SRGAP2: variants seen among roughly 807,000 people sequenced by gnomAD.
The protein encoded by SRGAP2 is SLIT-ROBO Rho GTPase activating protein 2, also known as SLIT-ROBO Rho GTPase-activating protein 2.
In SRGAP2, 15 loss-of-function variants were observed where a neutral mutation model predicts 57.2. The observed-to-expected ratio is 0.26, with a 90% CI of 0.18 to 0.40. The LOEUF (loss-of-function observed/expected upper bound fraction) is 0.40, where lower values mean the gene tolerates loss of function less well. SRGAP2 is among the 10% of genes least tolerant of loss of function. The pLI, the probability that SRGAP2 is intolerant of heterozygous loss-of-function variation, is 1.00. For missense variants in SRGAP2, 520 were observed against 669.6 expected, an observed-to-expected ratio of 0.78 and a Z score of 2.47; for synonymous variants, 249 against 248.0, an observed-to-expected ratio of 1.00 and a Z score of -0.04.
At position 206,310,069 on chromosome 1, in the gene SRGAP2, C is replaced by G. The variant is rs533618929; in HGVS notation, c.260+6596C>G. On this transcript the variant is annotated intron_variant, in intron 3 of 22. Transcript: ENST00000573034. The stretch of plus-strand genomic sequence containing the variant: ...GTAAGAGCAATTTCTTATTGATACT[C>G]TCTCATGTATAAGGTATTGTGAGAG... 2.9e-3 allele frequency among the ~76,000 whole-genome samples: 442 copies of G among 151,608 alleles called. 2 individuals are homozygous for G. The highest frequency in any genetic ancestry group is 0.011 in the African/African-American group (431 of 41,020).
intron 2 of SRGAP2, among the ~76,000 whole-genome samples, chr1:206,301,853 T>C (rs1352459728): frequency 6.6e-6 from 1 of 151,922 alleles, no homozygotes; most frequent in African/African-American, 2.4e-5. Flanking sequence ...GGGGACAGAT[T>C]GTGGAGCCTC....
intron 4 of SRGAP2, among the ~76,000 whole-genome samples, chr1:206,373,017 CT>C (rs1654826898): frequency 1.0e-5 from 1 of 97,984 alleles, no homozygotes; most frequent in Non-Finnish European, 2.1e-5. Context: ...TTCTTTCTTT[CT>C]TTCTTTCTTT....
intron 2 of SRGAP2, among the ~76,000 whole-genome samples, chr1:206,229,609 G>A (rs1667493649): frequency 6.6e-6 from 1 of 151,984 alleles, no homozygotes; most frequent in African/African-American, 2.4e-5. Flanking sequence ...ATACAGGATA[G>A]TGAAGGATCC....
At chr1:206,447,486 C>A (rs1436134747) in intron 18 of SRGAP2, among the ~76,000 whole-genome samples, 1 of 152,208 alleles carries the variant, frequency 6.6e-6, no homozygotes, top group Admixed American at 6.5e-5. Flanking sequence ...TGCTGTACTG[C>A]AGATTTCAGT....
intron 2 of SRGAP2, among the ~76,000 whole-genome samples, chr1:206,229,964 A>C (rs1470246358): frequency 1.3e-5 from 2 of 151,136 alleles, no homozygotes; most frequent in East Asian, 3.9e-4. Flanking sequence ...ACACACACAC[A>C]CACCTTACCT....
chr1:206,446,036 G>T, intron 17 of SRGAP2, 39 bp from the exon 18 acceptor site: 2 of 775,714 alleles, frequency 2.6e-6, no homozygotes, highest in South Asian at 2.7e-5. Context: ...GCATTCATGC[G>T]AGAGCTTTCC....
At chr1:206,277,856 G>A (rs1304812054) in intron 2 of SRGAP2, among the ~76,000 whole-genome samples, 1 of 152,082 alleles carries the variant, frequency 6.6e-6, no homozygotes, top group African/African-American at 2.4e-5. Flanking sequence ...GTGCACGCTT[G>A]TAATCCCAGC....
At chr1:206,260,468 G>T (rs1233446330) in intron 2 of SRGAP2, among the ~76,000 whole-genome samples, 3 of 152,020 alleles carry the variant, frequency 2.0e-5, no homozygotes, top group Non-Finnish European at 2.9e-5. Context: ...TCCTTATTGT[G>T]GGTGTCACTC....
intron 7 of SRGAP2, among the ~76,000 whole-genome samples, chr1:206,394,002 A>C: frequency 8.1e-6 from 1 of 123,262 alleles, no homozygotes; most frequent in Non-Finnish European, 1.7e-5. Flanking sequence ...GCTCATAACC[A>C]CTACACTCGT....
At chr1:206,272,675 G>T (rs1670190573) in intron 2 of SRGAP2, among the ~76,000 whole-genome samples, 1 of 152,176 alleles carries the variant, frequency 6.6e-6, no homozygotes, top group Admixed American at 6.5e-5. Context: ...GCCTCCCAAA[G>T]AGCTGGGATT....
intron 17 of SRGAP2, among the ~76,000 whole-genome samples, chr1:206,445,516 C>A (rs1372148828): frequency 6.6e-6 from 1 of 152,168 alleles, no homozygotes; most frequent in African/African-American, 2.4e-5. Context: ...AATTCACTGG[C>A]TTGATGGAAT....
intron 16 of SRGAP2, 119 bp from the exon 17 acceptor site, chr1:206,439,857 G>A (rs1662111598): frequency 3.0e-6 from 2 of 664,594 alleles, no homozygotes; most frequent in Non-Finnish European, 2.8e-6. Context: ...CACCAGTGCT[G>A]TGCGTGGGCT....
intron 4 of SRGAP2, among the ~76,000 whole-genome samples, chr1:206,369,244 A>T (rs1183526344): frequency 6.6e-6 from 1 of 152,242 alleles, no homozygotes; most frequent in Non-Finnish European, 1.5e-5. Context: ...ATAATAAAAA[A>T]AATTAACTCA....
chr1:206,374,251 C>T lies in SRGAP2; in HGVS notation c.424-9763C>T, dbSNP rs533704911. 4.6e-5 allele frequency among the ~76,000 whole-genome samples: 7 copies of T among 151,400 alleles called. 1 individual carries two copies. The highest frequency in any genetic ancestry group is 4.2e-4 in the South Asian group (2 of 4,802). ...CACCTTGGTCTCGATCTCCTGACCT[C>T]GTGATCCGCCCGCTTCGGCCTCCCA... On this transcript the variant is annotated intron_variant, in intron 4 of 22. Coordinates refer to ENST00000573034, the MANE Select transcript of SRGAP2 (RefSeq NM_015326.5).
chr1:206,402,292 CAG>C (rs1462056984), intron 8 of SRGAP2, among the ~76,000 whole-genome samples: 1 of 151,984 alleles, frequency 6.6e-6, no homozygotes, highest in African/African-American at 2.4e-5. Flanking sequence ...GTTGCCCAGA[CAG>C]GGGAGCATGA....
chr1:206,421,605 T>A (rs76595560), intron 13 of SRGAP2, among the ~76,000 whole-genome samples: 1,899 of 152,298 alleles, frequency 0.012, 53 homozygotes, highest in African/African-American at 0.043. Context: ...CTTCCTACAT[T>A]TGTGCTAACA....
intron 2 of SRGAP2, among the ~76,000 whole-genome samples, chr1:206,241,886 A>ATTT (rs1180056225): frequency 2.1e-5 from 3 of 142,458 alleles, no homozygotes; most frequent in African/African-American, 8.0e-5. Flanking sequence ...TATTATTATT[A>ATTT]TTTTTTAATG....
At chr1:206,229,819 A>C (rs1239245027) in intron 2 of SRGAP2, among the ~76,000 whole-genome samples, 1 of 151,644 alleles carries the variant, frequency 6.6e-6, no homozygotes, top group Non-Finnish European at 1.5e-5. Flanking sequence ...TAAGGTCTTG[A>C]TGGAGATGAA....
rs140188265 is a variant in SRGAP2 at position 206,435,542 on chromosome 1, G to A, written c.1556-1423G>A. Among the ~76,000 whole-genome samples the A allele has an allele frequency of 4.6e-5, 7 of 152,334 alleles. No individual in the cohort carries two copies. The South Asian group carries it at 6.2e-4, about 14-fold the overall frequency. On this transcript the variant is annotated intron_variant, in intron 14 of 22. Transcript: ENST00000573034. ...TCTCACCCGTTTTGCAGTTGTGTGTGTGGTGCTGTCTGTAAAGCCATGTCC... is the reference window on the plus strand; with the variant it reads ...TCTCACCCGTTTTGCAGTTGTGTGTATGGTGCTGTCTGTAAAGCCATGTCC...
Sources: allele counts gnomAD v4.1 joint callset (sites outside exome capture counted in the v4.1 genomes callset), GRCh38; gene constraint gnomAD v4.1.1; transcripts MANE v1.5; gene names NCBI Gene and HGNC (gene_info 2026-07-23, HGNC 2026-07-21).